Variants in TMEM68 observed in about 807,000 individuals in gnomAD.
TMEM68 encodes DGAT1/2-independent enzyme synthesizing storage lipids.
TMEM68 carries 25 observed loss-of-function variants against 36.9 expected under a neutral mutation model. The observed-to-expected ratio is 0.68, with a 90% confidence interval of 0.49 to 0.95. TMEM68 has a LOEUF of 0.95. Ranked by LOEUF, TMEM68 falls within the 40% of genes least tolerant of loss-of-function variation. TMEM68 has a pLI of 0.00. For missense variants in TMEM68, 333 were observed against 392.0 expected (o/e 0.85, Z 1.27); for synonymous variants, 131 against 124.4 (o/e 1.05, Z -0.35).
chr8:55,761,445 A>G (rs758283701), intron 3 of TMEM68: 3 of 152,168 alleles, frequency 2.0e-5, no homozygotes, highest in African/African-American at 4.8e-5. Flanking sequence ...CTCTACACTC[A>G]GTCCCCAAGT....
At chr8:55,754,466 T>TACAC (rs71256558) in intron 4 of TMEM68, among the ~76,000 whole-genome samples, 2 of 118,958 alleles carry the variant, frequency 1.7e-5, no homozygotes, top group African/African-American at 7.2e-5. Flanking sequence ...TATATATATA[T>TACAC]ACACACACAC....
At chr8:55,759,361 A>G (rs1810709741) in intron 3 of TMEM68, among the ~76,000 whole-genome samples, 1 of 151,906 alleles carries the variant, frequency 6.6e-6, no homozygotes, top group Non-Finnish European at 1.5e-5. Context: ...ACCTGAGGTC[A>G]GGAGTTCAAG....
intron 4 of TMEM68, among the ~76,000 whole-genome samples, chr8:55,753,463 A>C (rs1030019199): frequency 2.0e-5 from 3 of 152,362 alleles, no homozygotes; most frequent in Non-Finnish European, 4.4e-5. Context: ...TTAGTTTCCA[A>C]ATCTACTATA....
intron 3 of TMEM68, among the ~76,000 whole-genome samples, chr8:55,756,845 G>A (rs1300356577): frequency 1.3e-5 from 2 of 152,184 alleles, no homozygotes; most frequent in Non-Finnish European, 2.9e-5. Flanking sequence ...TCCACAACCA[G>A]CAAGCAGCCT....
Position 55,743,531 on chromosome 8 carries a change from C to T in TMEM68, c.838G>A (p.Asp280Asn), listed in dbSNP as rs1410207639. The change falls in exon 7 of 8, where the codon GAC becomes AAC. Residue 280 changes from aspartate to asparagine, a missense_variant. Physicochemically the swap from Asp to Asn is conservative, Grantham distance 23 (BLOSUM62 1). Transcript: ENST00000434581. ...ATCTGTGGGTCATACGGAATGGGGTCGCCTAAATAGGTCCGTAACTTCACT... is the reference window on the plus strand; with the variant it reads ...ATCTGTGGGTCATACGGAATGGGGTTGCCTAAATAGGTCCGTAACTTCACT... ...FPVKLRTYLG[D>N]PIPYDPQITA... is the part of the protein sequence containing the mutation. 11 of 1,535,844 alleles carry T rather than the reference C, an allele frequency of 7.2e-6. No homozygotes were observed. The highest frequency in any genetic ancestry group is 4.9e-5 in the East Asian group (2 of 40,894).
At position 55,766,810 on chromosome 8, in the gene TMEM68, T is replaced by C. The variant is rs191760659; in HGVS notation, c.-114-2830A>G. Among the ~76,000 whole-genome samples the C allele has an allele frequency of 1.5e-3, 235 of 152,272 alleles. 1 individual carries two copies. Among genetic ancestry groups the C allele is most frequent in the African/African-American group, 5.2e-3 (216 of 41,550 alleles). ...CTACACAGGCAGCAAATAGGAATAT[T>C]TGCAATAAGTGATGAAAGTGGCTTA... is the stretch of plus-strand genomic sequence containing the variant. On this transcript the variant is annotated intron_variant, in intron 1 of 7. Transcript: ENST00000434581.
rs79594974 is a variant in TMEM68, at chr8:55,749,909, G to A, written c.687+1055C>T. Among the ~76,000 whole-genome samples the A allele has an allele frequency of 2.6e-4, 39 of 152,104 alleles. No homozygotes were observed. The East Asian group carries it at 3.5e-3, about 14-fold the overall frequency. ...ATTTAAATTAATTATCTGGAAACTC[G>A]AGGATTAGAAAGAGTTATTTTCTCT... On this transcript the variant is annotated intron_variant, in intron 5 of 7. Transcript: ENST00000434581.
intron 6 of TMEM68, 67 bp from the exon 7 acceptor site, chr8:55,743,687 AAATT>A: frequency 7.1e-7 from 1 of 1,413,918 alleles, no homozygotes. Context: ...GTAAACTTTC[AAATT>A]AATTATGTAG....
chr8:55,760,711 G>A (rs1810762196), intron 3 of TMEM68: 1 of 152,162 alleles, frequency 6.6e-6, no homozygotes, highest in African/African-American at 2.4e-5. Context: ...TCACAAAACA[G>A]ATTAAATTAA....
At chr8:55,746,952 G>C (rs1009425619) in intron 5 of TMEM68, 2 of 152,216 alleles carry the variant, frequency 1.3e-5, no homozygotes, top group African/African-American at 2.4e-5. Context: ...AGTAAACAGA[G>C]CAAAGAGACA....
Position 55,755,585 on chromosome 8 carries a change from T to C in TMEM68, c.493+659A>G, listed in dbSNP as rs932102872. 2.1e-4 allele frequency among the ~76,000 whole-genome samples: 15 copies of C among 70,934 alleles called. No homozygotes were observed. In the Admixed American group the frequency reaches 2.3e-3, roughly 11 times the overall value. The allele number at this position is 70,934 out of a possible 152,430, so 46.5% of individuals were successfully genotyped here. A position where few individuals can be genotyped will look rare whatever the true frequency, so the allele number is the denominator to read the frequency against. The stretch of plus-strand genomic sequence containing the variant: ...CTGTGCCCAGCCAAGACAAAATATA[T>C]CATGACTTTTTTTTTTTTTTTACTA... On this transcript the variant is annotated intron_variant, in intron 4 of 7. Coordinates refer to ENST00000434581, the MANE Select transcript of TMEM68 (RefSeq NM_001286657.2).
chr8:55,742,348 C>G (rs1040804726), intron 7 of TMEM68, among the ~76,000 whole-genome samples: 8 of 152,112 alleles, frequency 5.3e-5, no homozygotes, highest in Non-Finnish European at 1.0e-4. Context: ...CAGTACTGAA[C>G]TGTATGCTTA....
chr8:55,770,587 C>A (rs1368111925), intron 1 of TMEM68, among the ~76,000 whole-genome samples: 2 of 151,998 alleles, frequency 1.3e-5, no homozygotes, highest in African/African-American at 4.8e-5. Flanking sequence ...GGCAGGAGGA[C>A]TGCTTGAGCC....
intron 1 of TMEM68, among the ~76,000 whole-genome samples, chr8:55,766,901 C>A (rs1810980748): frequency 6.6e-6 from 1 of 152,114 alleles, no homozygotes. Context: ...GAAGATAATG[C>A]CAACAGGATT....
Position 55,751,168 on chromosome 8 carries a change from C to CTTT in TMEM68, c.494-12_494-11insAAA. 6.3e-6 allele frequency: 10 copies of CTTT among 1,579,698 alleles called. No individual in the cohort carries two copies. Among genetic ancestry groups the CTTT allele is most frequent in the Non-Finnish European group, 8.6e-6 (10 of 1,167,166 alleles). On this transcript the variant is annotated splice_polypyrimidine_tract_variant and intron_variant, in intron 4 of 7. Coordinates refer to ENST00000434581, the MANE Select transcript of TMEM68 (RefSeq NM_001286657.2). ...GTAATAAACTAAACCCTGTAAGAAA[C>CTTT]ATGAGTATGAAGTTACAACATAAGT... is the stretch of plus-strand genomic sequence containing the variant.
intron 1 of TMEM68, among the ~76,000 whole-genome samples, chr8:55,770,459 G>A (rs374552369): frequency 5.1e-4 from 78 of 152,278 alleles, no homozygotes; most frequent in African/African-American, 1.9e-3. Flanking sequence ...AGGACTGCTT[G>A]AGTTCAGGAG....
At position 55,756,655 on chromosome 8, in the gene TMEM68, G is replaced by C. The variant is rs142372413; in HGVS notation, c.326-244C>G. 6.4e-4 allele frequency among the ~76,000 whole-genome samples: 97 copies of C among 152,254 alleles called. No individual in the cohort carries two copies. In the East Asian group the frequency reaches 0.015, roughly 24 times the overall value. Reference sequence around the variant, plus strand: ...TGGAGAGGTAGCCTGGAGTGTTGGCGCCAGACACTAAGGAAGGCACTCACA... The same window carrying C: ...TGGAGAGGTAGCCTGGAGTGTTGGCCCCAGACACTAAGGAAGGCACTCACA... On this transcript the variant is annotated intron_variant, in intron 3 of 7. Transcript: ENST00000434581.
intron 1 of TMEM68, among the ~76,000 whole-genome samples, chr8:55,764,863 G>A (rs1231609538): frequency 1.3e-5 from 2 of 152,030 alleles, no homozygotes; most frequent in Non-Finnish European, 2.9e-5. Context: ...ACCTGAGGTC[G>A]GGGGTTTGAG....
chr8:55,757,202 C>T (rs1193971609), intron 3 of TMEM68, among the ~76,000 whole-genome samples: 1 of 152,062 alleles, frequency 6.6e-6, no homozygotes, highest in South Asian at 2.1e-4. Context: ...ATCTTTTTTT[C>T]TTAAGCATGT....
Sources: gnomAD v4.1 joint callset for allele counts (sites outside exome capture counted in the v4.1 genomes callset) on GRCh38, gnomAD v4.1.1 for gene constraint, MANE v1.5 for transcripts, NCBI Gene and HGNC (gene_info 2026-07-23, HGNC 2026-07-21) for gene names.